GALNS: variants seen among roughly 807,000 people sequenced by gnomAD.
GALNS encodes N-acetylgalactosamine-6-sulfatase.
A neutral mutation model predicts 65.9 loss-of-function variants in GALNS; 65 were observed. That is an observed-to-expected ratio of 0.99 (90% CI 0.81 to 1.21). GALNS has a LOEUF of 1.21. GALNS is among the 50% of genes most tolerant of loss of function. The pLI is 0.00. For missense variants in GALNS, 776 were observed against 700.7 expected, an observed-to-expected ratio of 1.11 and a Z score of -1.21; for synonymous variants, 346 against 288.9, an observed-to-expected ratio of 1.20 and a Z score of -2.00.
intron 2 of GALNS, chr16:88,842,370 G>A: frequency 1.9e-6 from 1 of 516,176 alleles, no homozygotes; most frequent in Non-Finnish European, 3.5e-6. Flanking sequence ...CAGGGAGGGA[G>A]GGAGTGGGAC....
Position 88,831,968 on chromosome 16 carries a change from T to C in GALNS, c.1002+30A>G, listed in dbSNP as rs767768590. On this transcript the variant is annotated intron_variant, in intron 9 of 13. Coordinates refer to ENST00000268695, the MANE Select transcript of GALNS (RefSeq NM_000512.5). Reference sequence around the variant, plus strand: ...GGGATGGCTGCAGGCCTGGACCTGCTGCCCGGCAGACCGGTGGACGCTGAC... The same window carrying C: ...GGGATGGCTGCAGGCCTGGACCTGCCGCCCGGCAGACCGGTGGACGCTGAC... The C allele has an allele frequency of 6.3e-6, 10 of 1,590,784 alleles. No individual in the cohort carries two copies. The East Asian group carries it at 8.9e-5, about 14-fold the overall frequency.
intron 1 of GALNS, among the ~76,000 whole-genome samples, chr16:88,854,791 G>T (rs1035295114): frequency 1.3e-5 from 2 of 152,260 alleles, no homozygotes; most frequent in African/African-American, 2.4e-5. Context: ...GAGGGCCAGG[G>T]AATCCCCACT....
At chr16:88,824,987 T>A in intron 10 of GALNS, 118 bp from the exon 11 acceptor site, 1 of 793,072 alleles carries the variant, frequency 1.3e-6, no homozygotes, top group South Asian at 1.5e-5. Context: ...TCTTGGTTGA[T>A]ACTTTACAAA....
At chr16:88,821,600 C>T (rs755170714) in intron 12 of GALNS, among the ~76,000 whole-genome samples, 4 of 152,168 alleles carry the variant, frequency 2.6e-5, no homozygotes, top group Non-Finnish European at 5.9e-5. Context: ...GGAGCCTCAC[C>T]GCAGGCTCAG....
In GALNS at chr16:88,835,339, C is replaced by T. The variant is rs779257235; in HGVS notation, c.772G>A (p.Val258Ile). Residue 258 changes from valine (V) to isoleucine (I), a missense_variant, in exon 8 of 14, where the codon GTC (valine) becomes ATC (isoleucine). Coordinates refer to ENST00000268695, the MANE Select transcript of GALNS (RefSeq NM_000512.5). ...TSQRGRYGDA[V>I]REIDDSIGKI... ...CCAATGCTGTCATCAATCTCCCGGA[C>T]GGCGTCTCCATACCTGCAGGATGGT... is the stretch of plus-strand genomic sequence containing the variant. The T allele has an allele frequency of 2.3e-5, 37 of 1,613,630 alleles. No homozygotes were observed. The highest frequency in any genetic ancestry group is 3.3e-4 in the Middle Eastern group (2 of 6,084).
intron 1 of GALNS, among the ~76,000 whole-genome samples, chr16:88,847,434 G>A (rs985936456): frequency 2.0e-5 from 3 of 152,176 alleles, no homozygotes; most frequent in African/African-American, 7.2e-5. Flanking sequence ...GCCTCCTCCT[G>A]TCACAAGTGG....
chr16:88,843,603 C>CG lies in GALNS; in HGVS notation c.121-775dup, dbSNP rs549569737. ...AGACGCAGACATGCAGTAGAGATGCCGGGTGAAGGCCGAGGCCGAGACTGG... is the reference window on the plus strand; with the variant it reads ...AGACGCAGACATGCAGTAGAGATGCCGGGGTGAAGGCCGAGGCCGAGACTGG... On this transcript the variant is annotated intron_variant, in intron 1 of 13. Transcript: ENST00000268695. 2.2e-3 allele frequency: 405 copies of CG among 186,632 alleles called. 6 individuals carry two copies. The South Asian group carries it at 0.029, about 13-fold the overall frequency. The allele number at this position is 186,632 out of a possible 1,614,324, so 11.6% of individuals were successfully genotyped here.
At chr16:88,838,192 A>G (rs1033729664) in intron 4 of GALNS, among the ~76,000 whole-genome samples, 13 of 152,118 alleles carry the variant, frequency 8.5e-5, no homozygotes, top group African/African-American at 2.9e-4. Flanking sequence ...CAGGGCAGAA[A>G]ATATTTCCTG....
intron 1 of GALNS, chr16:88,843,049 G>A (rs565691029): frequency 8.6e-6 from 13 of 1,520,340 alleles, no homozygotes; most frequent in Middle Eastern, 2.1e-4. Context: ...GCCTGCGTGC[G>A]TGCACGATGG....
At chr16:88,815,479 G>A (rs1391393045) in intron 13 of GALNS, 3 of 985,370 alleles carry the variant, frequency 3.0e-6, no homozygotes, top group Non-Finnish European at 3.6e-6. Flanking sequence ...GGTGTGTGTG[G>A]ACCTCACAGT....
At chr16:88,823,469 G>A (rs1274988784) in intron 11 of GALNS, among the ~76,000 whole-genome samples, 2 of 152,220 alleles carry the variant, frequency 1.3e-5, no homozygotes, top group African/African-American at 2.4e-5. Flanking sequence ...ACTGTGCCCA[G>A]GACGGCCCTC....
intron 9 of GALNS, among the ~76,000 whole-genome samples, chr16:88,827,747 C>T (rs1010898717): frequency 2.0e-5 from 3 of 152,208 alleles, no homozygotes; most frequent in African/African-American, 7.2e-5. Flanking sequence ...GGCCCTGTCT[C>T]TTTCTTAACT....
At chr16:88,835,946 G>A (rs962640976) in intron 6 of GALNS, 97 bp from the exon 7 acceptor site, 15 of 1,565,474 alleles carry the variant, frequency 9.6e-6, no homozygotes, top group East Asian at 9.3e-5. Context: ...GGCGAGGTTG[G>A]TGCGGTCCCC....
Position 88,856,125 on chromosome 16 carries a change from C to T in GALNS, c.120+633G>A. 5.7e-6 allele frequency: 4 copies of T among 700,300 alleles called. No individual in the cohort carries two copies. The Admixed American group carries it at 8.0e-5, about 14-fold the overall frequency. 43.4% of individuals were successfully genotyped at this position (700,300 alleles called of 1,614,324 possible). A position where few individuals can be genotyped will look rare whatever the true frequency, so the allele number is the denominator to read the frequency against. ...GGAGTTAGGGAAGGAGGCCTCCAGGCTGGCTGTGACCCCTGACCCCGCACT... is the reference window on the plus strand; with the variant it reads ...GGAGTTAGGGAAGGAGGCCTCCAGGTTGGCTGTGACCCCTGACCCCGCACT... On this transcript the variant is annotated intron_variant, in intron 1 of 13. Coordinates refer to ENST00000268695, the MANE Select transcript of GALNS (RefSeq NM_000512.5).
At chr16:88,842,561 G>C in intron 2 of GALNS, 145 bp downstream of exon 2, 1 of 1,012,380 alleles carries the variant, frequency 9.9e-7, no homozygotes, top group Non-Finnish European at 1.4e-6. Context: ...TGATGAGAAA[G>C]GCCTGAGCCC....
At chr16:88,832,996 G>A (rs1310491621) in intron 8 of GALNS, among the ~76,000 whole-genome samples, 1 of 150,062 alleles carries the variant, frequency 6.7e-6, no homozygotes, top group Non-Finnish European at 1.5e-5. Context: ...GAGGATTGCT[G>A]GAGCCCAGGA....
Position 88,856,509 on chromosome 16 carries a change from G to A in GALNS, c.120+249C>T, listed in dbSNP as rs554559314. Reference sequence around the variant, plus strand: ...ACAGTGGCAGCGCGTGTGGTGATCGGTGACCGCCGAGACCCCACGCCTGGA... The same window carrying A: ...ACAGTGGCAGCGCGTGTGGTGATCGATGACCGCCGAGACCCCACGCCTGGA... On this transcript the variant is annotated intron_variant, in intron 1 of 13. Coordinates refer to ENST00000268695, the MANE Select transcript of GALNS (RefSeq NM_000512.5). The A allele has an allele frequency of 5.2e-5, 36 of 698,500 alleles. No individual in the cohort carries two copies. The East Asian group carries it at 9.4e-4, about 18-fold the overall frequency. The allele number at this position is 698,500 out of a possible 1,614,324, so 43.3% of individuals were successfully genotyped here.
rs746326034 is a variant in GALNS at position 88,856,892 on chromosome 16, C to G, written c.-15G>C. The G allele has an allele frequency of 6.7e-7, 1 of 1,502,412 alleles. No homozygotes were observed. The highest frequency in any genetic ancestry group is 1.2e-5 in the South Asian group (1 of 80,798). 93.1% of individuals were successfully genotyped at this position (1,502,412 alleles called of 1,614,324 possible). ...ACCGCCGCCATGGCAACCACGGGAG[C>G]CGCGGAGCCCCGGCCAGCGAGCCGA... On this transcript the variant is annotated 5_prime_UTR_variant, in exon 1 of 14. Coordinates refer to ENST00000268695, the MANE Select transcript of GALNS (RefSeq NM_000512.5).
chr16:88,833,313 G>C (rs1911712392), intron 8 of GALNS, among the ~76,000 whole-genome samples: 1 of 152,172 alleles, frequency 6.6e-6, no homozygotes, highest in African/African-American at 2.4e-5. Context: ...CACAGCAGCA[G>C]AGCCACAGAA....
Sources: allele counts gnomAD v4.1 joint callset (sites outside exome capture counted in the v4.1 genomes callset), GRCh38; gene constraint gnomAD v4.1.1; transcripts MANE v1.5; gene names NCBI Gene and HGNC (gene_info 2026-07-23, HGNC 2026-07-21).